Variants in VAT1L observed in about 807,000 individuals in gnomAD.
VAT1L encodes the protein putative NADPH-dependent quinone oxidoreductase VAT1L.
In VAT1L, 34 loss-of-function variants were observed where a neutral mutation model predicts 44.1. The observed-to-expected ratio is 0.77, with a 90% confidence interval of 0.59 to 1.03. The LOEUF is 1.03. Ranked by LOEUF, VAT1L falls within the 50% of genes least tolerant of loss-of-function variation. The probability of loss-of-function intolerance (pLI) is 0.00; values close to 1 mark genes in which losing one functional copy is unlikely to be tolerated. For synonymous variants in VAT1L, 253 were observed against 202.2 expected (o/e 1.25, Z -2.13); for missense variants, 615 against 538.8 (o/e 1.14, Z -1.40).
At chr16:77,950,150 T>C (rs1383337721) in intron 7 of VAT1L, among the ~76,000 whole-genome samples, 1 of 152,210 alleles carries the variant, frequency 6.6e-6, no homozygotes, top group South Asian at 2.1e-4. Context: ...GGCTCACGCC[T>C]GTAATCCCAG....
chr16:77,871,472 T>C (rs1423965477), intron 4 of VAT1L, among the ~76,000 whole-genome samples: 1 of 152,106 alleles, frequency 6.6e-6, no homozygotes, highest in Non-Finnish European at 1.5e-5. Context: ...CTGCATGGCA[T>C]AGAAGTGACA....
chr16:77,901,153 C>CT (rs538577571), intron 7 of VAT1L, among the ~76,000 whole-genome samples: 2,419 of 89,980 alleles, frequency 0.027, 151 homozygotes, highest in African/African-American at 0.053. Context: ...AGTAGTTTAC[C>CT]TTTTTTTTTT....
intron 7 of VAT1L, among the ~76,000 whole-genome samples, chr16:77,901,603 A>C (rs2017384462): frequency 6.6e-6 from 1 of 152,156 alleles, no homozygotes; most frequent in Non-Finnish European, 1.5e-5. Context: ...GGTGGAATAC[A>C]TTTCTCTTTA....
chr16:77,803,363 C>CTA (rs967410946), intron 1 of VAT1L, among the ~76,000 whole-genome samples: 2 of 151,142 alleles, frequency 1.3e-5, no homozygotes, highest in African/African-American at 4.9e-5. Context: ...CATGTCTATT[C>CTA]AAGTCTTCAC....
intron 7 of VAT1L, among the ~76,000 whole-genome samples, chr16:77,944,451 T>C (rs892082653): frequency 9.9e-5 from 15 of 152,274 alleles, no homozygotes; most frequent in Admixed American, 4.6e-4. Flanking sequence ...ACAGAATAGA[T>C]TTTTAACAGT....
At chr16:77,918,709 A>G (rs1448245486) in intron 7 of VAT1L, among the ~76,000 whole-genome samples, 1 of 152,174 alleles carries the variant, frequency 6.6e-6, no homozygotes, top group African/African-American at 2.4e-5. Flanking sequence ...TGGAAAGGCA[A>G]TGAATGCATC....
intron 7 of VAT1L, chr16:77,892,494 T>G (rs2017278280): frequency 3.7e-6 from 2 of 545,600 alleles, no homozygotes; most frequent in Non-Finnish European, 3.7e-6. Flanking sequence ...TTTGAGCTGT[T>G]TGCAGACAAG....
At chr16:77,944,149 G>A (rs2017929337) in intron 7 of VAT1L, among the ~76,000 whole-genome samples, 2 of 152,218 alleles carry the variant, frequency 1.3e-5, no homozygotes, top group South Asian at 4.2e-4. Flanking sequence ...GCCAGGGATT[G>A]TGCTAAACAT....
chr16:77,844,474 T>C (rs2016738595), intron 3 of VAT1L, among the ~76,000 whole-genome samples: 1 of 152,176 alleles, frequency 6.6e-6, no homozygotes, highest in Non-Finnish European at 1.5e-5. Flanking sequence ...AGTGGCGCTA[T>C]CTCAGCTCCC....
intron 2 of VAT1L, among the ~76,000 whole-genome samples, chr16:77,819,847 A>C (rs1274216440): frequency 6.6e-6 from 1 of 152,226 alleles, no homozygotes; most frequent in Non-Finnish European, 1.5e-5. Flanking sequence ...CTGATTGCTA[A>C]ACTGTGAATT....
At chr16:77,812,264 G>T (rs2016278590) in intron 1 of VAT1L, among the ~76,000 whole-genome samples, 1 of 151,934 alleles carries the variant, frequency 6.6e-6, no homozygotes, top group South Asian at 2.1e-4. Context: ...GTAGAGATAG[G>T]GTTTCACCGT....
chr16:77,800,445 A>C (rs1438408067), intron 1 of VAT1L: 1 of 152,050 alleles, frequency 6.6e-6, no homozygotes, highest in Non-Finnish European at 1.5e-5. Flanking sequence ...CATAAACCCT[A>C]TTTCCACGAC....
intron 7 of VAT1L, among the ~76,000 whole-genome samples, chr16:77,900,588 A>T (rs918919861): frequency 9.2e-5 from 14 of 151,788 alleles, no homozygotes; most frequent in Admixed American, 9.2e-4. Flanking sequence ...CCAGCTACTT[A>T]GGAGGCTGAG....
chr16:77,870,005 C>T (rs927562345), intron 4 of VAT1L, among the ~76,000 whole-genome samples: 3 of 152,152 alleles, frequency 2.0e-5, no homozygotes, highest in African/African-American at 4.8e-5. Flanking sequence ...AGAGTCTAAT[C>T]ACCTGGAAAG....
intron 7 of VAT1L, among the ~76,000 whole-genome samples, chr16:77,905,086 C>G (rs921244268): frequency 2.0e-5 from 3 of 152,172 alleles, no homozygotes; most frequent in African/African-American, 7.2e-5. Flanking sequence ...GAATTCAAAT[C>G]TGACTAATGT....
intron 3 of VAT1L, among the ~76,000 whole-genome samples, chr16:77,855,237 G>T (rs926168170): frequency 1.6e-4 from 25 of 151,900 alleles, no homozygotes; most frequent in Non-Finnish European, 3.2e-4. Context: ...CTACTCAGGA[G>T]GCTGAGGCAG....
chr16:77,817,308 A>C (rs1023216393), intron 2 of VAT1L, among the ~76,000 whole-genome samples: 1 of 152,182 alleles, frequency 6.6e-6, no homozygotes, highest in African/African-American at 2.4e-5. Flanking sequence ...TCATGCAGCT[A>C]TTCAACAAAA....
rs1567460743 is a variant in VAT1L, at chr16:77,788,760, G to A, written c.78G>A (p.Glu26=). Residue 26 remains glutamate, a synonymous_variant, in exon 1 of 9, where the codon GAG becomes GAA. Coordinates refer to ENST00000302536, the MANE Select transcript of VAT1L (RefSeq NM_020927.3). ...IEKEAGKEPA[E]GGGGDGSHRL... is the part of the protein sequence containing the mutation. ...AGGAGGCAGGCAAGGAGCCGGCGGAGGGCGGCGGCGGCGACGGCTCGCACC... is the reference window on the plus strand; with the variant it reads ...AGGAGGCAGGCAAGGAGCCGGCGGAAGGCGGCGGCGGCGACGGCTCGCACC... 7.0e-6 allele frequency: 11 copies of A among 1,562,306 alleles called. No individual in the cohort carries two copies. Among genetic ancestry groups the A allele is most frequent in the African/African-American group, 5.4e-5 (4 of 74,136 alleles).
chr16:77,893,921 C>A (rs750501084), intron 7 of VAT1L, among the ~76,000 whole-genome samples: 10 of 152,090 alleles, frequency 6.6e-5, no homozygotes, highest in Non-Finnish European at 8.8e-5. Flanking sequence ...TTATATGTGC[C>A]AAGTACCTTG....
Sources: gnomAD v4.1 joint callset for allele counts (sites outside exome capture counted in the v4.1 genomes callset) on GRCh38, gnomAD v4.1.1 for gene constraint, MANE v1.5 for transcripts, NCBI Gene and HGNC (gene_info 2026-07-23, HGNC 2026-07-21) for gene names.